Variants in PARP16 observed in about 807,000 individuals in gnomAD.
The protein encoded by PARP16 is protein mono-ADP-ribosyltransferase PARP16.
A neutral mutation model predicts 35.0 loss-of-function variants in PARP16; 31 were observed. That is an observed-to-expected ratio of 0.88 (90% confidence interval 0.66 to 1.19). The LOEUF (loss-of-function observed/expected upper bound fraction) is 1.19, where lower values mean the gene tolerates loss of function less well. PARP16 is among the 50% of genes most tolerant of loss of function. The pLI, the probability that PARP16 is intolerant of heterozygous loss-of-function variation, is 0.00. For synonymous variants in PARP16, 162 were observed against 169.5 expected, an observed-to-expected ratio of 0.96 and a Z score of 0.34; for missense variants, 424 against 411.2, an observed-to-expected ratio of 1.03 and a Z score of -0.27.
In PARP16 at chr15:65,286,407, G is replaced by T. The variant is rs538009655; in HGVS notation, c.20C>A (p.Ala7Glu). The change falls in exon 1 of 6, where the codon GCG becomes GAG. Residue 7 changes from alanine (A) to glutamate (E), a missense_variant. Coordinates refer to ENST00000649807, the MANE Select transcript of PARP16 (RefSeq NM_001316943.2). MQPSGWAAAREAAGRDM... is the reference protein window; with the variant it reads MQPSGWEAAREAAGRDM... Reference sequence around the variant, plus strand: ...GCGGCCCGCCGCCTCCCTGGCGGCCGCCCAGCCTGAGGGCTGCATCCCAGG... The same window carrying T: ...GCGGCCCGCCGCCTCCCTGGCGGCCTCCCAGCCTGAGGGCTGCATCCCAGG... 3 of 1,539,672 alleles carry T rather than the reference G, an allele frequency of 1.9e-6. No individual in the cohort carries two copies. The highest frequency in any genetic ancestry group is 2.6e-6 in the Non-Finnish European group (3 of 1,146,866).
chr15:65,271,201 A>T, intron 1 of PARP16, 129 bp from the exon 2 acceptor site: 1 of 803,996 alleles, frequency 1.2e-6, no homozygotes. Flanking sequence ...GGAAATTCAC[A>T]GGTCTACAAT....
chr15:65,253,391 C>T (rs1289358985), downstream of PARP16, among the ~76,000 whole-genome samples: 6 of 150,318 alleles, frequency 4.0e-5, no homozygotes, highest in Non-Finnish European at 8.9e-5. Flanking sequence ...AGTGCAGTGG[C>T]GGGATCTCGG....
rs189365585 is a variant in PARP16, at chr15:65,252,705, C to T, written c.203-4477G>A. Among the ~76,000 whole-genome samples the T allele has an allele frequency of 1.8e-4, 28 of 152,334 alleles. No homozygotes were observed. In the East Asian group the frequency reaches 2.1e-3, roughly 12 times the overall value. ...CTTGAATCCCTAGTGATTTCTCTTT[C>T]GCCACCCTCTCCTAACTCATTACTA... On this transcript the variant is annotated intron_variant and NMD_transcript_variant, in intron 2 of 3. Coordinates refer to the PARP16 transcript ENST00000559805.
At chr15:65,271,594 T>A (rs1253282328) in intron 1 of PARP16, among the ~76,000 whole-genome samples, 2 of 152,006 alleles carry the variant, frequency 1.3e-5, no homozygotes, top group South Asian at 2.1e-4. Context: ...TGTTTTTTTT[T>A]AAACTCTTTG....
At chr15:65,247,918 T>C (rs941090793) in intron 3 of PARP16, among the ~76,000 whole-genome samples, 2 of 151,500 alleles carry the variant, frequency 1.3e-5, no homozygotes, top group Non-Finnish European at 2.9e-5. Flanking sequence ...CATTTTCCTG[T>C]CTCAGCCTCC....
intron 1 of PARP16, among the ~76,000 whole-genome samples, chr15:65,280,652 G>A (rs914893442): frequency 2.0e-5 from 3 of 152,158 alleles, no homozygotes; most frequent in African/African-American, 7.2e-5. Context: ...GAAATTTCAC[G>A]TGTATCTTAA....
intron 1 of PARP16, among the ~76,000 whole-genome samples, chr15:65,285,240 C>T (rs1217118938): frequency 6.6e-6 from 1 of 150,896 alleles, no homozygotes; most frequent in African/African-American, 2.4e-5. Flanking sequence ...CGGGTTCAAG[C>T]GATTCTCCTG....
At chr15:65,239,502 A>G (rs11630024) in intron 3 of PARP16, among the ~76,000 whole-genome samples, 12,862 of 147,892 alleles carry the variant, frequency 0.087, 765 homozygotes, top group Non-Finnish European at 0.13. Context: ...AAAAAGAACT[A>G]TACCTATGAC....
intron 2 of PARP16, among the ~76,000 whole-genome samples, chr15:65,249,987 G>A (rs1567013134): frequency 6.6e-6 from 1 of 152,154 alleles, no homozygotes; most frequent in Admixed American, 6.5e-5. Flanking sequence ...CCCCAGTCTG[G>A]AAAGGGAACT....
At chr15:65,273,295 G>A (rs12898916) in intron 1 of PARP16, among the ~76,000 whole-genome samples, 49,163 of 102,076 alleles carry the variant, frequency 0.48, 12,087 homozygotes, top group East Asian at 0.91. Flanking sequence ...AAAAAAAAAA[G>A]AATACCTGTG....
chr15:65,262,522 C>T (rs1002040034), intron 4 of PARP16, among the ~76,000 whole-genome samples: 1 of 152,136 alleles, frequency 6.6e-6, no homozygotes, highest in Non-Finnish European at 1.5e-5. Context: ...GGAGACAAGG[C>T]AAATAGTCTC....
At position 65,263,270 on chromosome 15, in the gene PARP16, G is replaced by A; in HGVS notation, c.570C>T (p.Ala190=). ...CATGGCCATGGGGGCTGTATATGAG[G>A]GCCAGGCTCAAGTCACTGGTGAGGT... ...GTYLTSDLSL[A]LIYSPHGHGW... The change falls in exon 4 of 6, where the codon GCC becomes GCT. Residue 190 remains alanine, a synonymous_variant. Coordinates refer to ENST00000649807, the MANE Select transcript of PARP16 (RefSeq NM_001316943.2). 1 of 1,612,628 alleles carries A rather than the reference G, an allele frequency of 6.2e-7. No homozygotes were observed. The highest frequency in any genetic ancestry group is 8.5e-7 in the Non-Finnish European group (1 of 1,179,218).
intron 1 of PARP16, among the ~76,000 whole-genome samples, chr15:65,275,444 A>G (rs1342349421): frequency 6.6e-6 from 1 of 152,090 alleles, no homozygotes; most frequent in East Asian, 1.9e-4. Flanking sequence ...AATTGGGATA[A>G]TATCAGTAGC....
intron 3 of PARP16, among the ~76,000 whole-genome samples, chr15:65,247,406 G>A (rs888271575): frequency 6.6e-6 from 1 of 152,158 alleles, no homozygotes; most frequent in African/African-American, 2.4e-5. Flanking sequence ...GATTCAAACT[G>A]AGTTCTGTCT....
Position 65,259,301 on chromosome 15 carries a change from A to G in PARP16, c.*106T>C. 5.4e-6 allele frequency: 6 copies of G among 1,106,422 alleles called. No homozygotes were observed. Among genetic ancestry groups the G allele is most frequent in the Non-Finnish European group, 1.3e-6 (1 of 741,476 alleles). The allele number at this position is 1,106,422 out of a possible 1,614,324, so 68.5% of individuals were successfully genotyped here. A position where few individuals can be genotyped will look rare whatever the true frequency, so the allele number is the denominator to read the frequency against. The stretch of plus-strand genomic sequence containing the variant: ...TATGAAAATTGTCCTGTGGTCCCCC[A>G]ACTGGCCCCTAGGCTCAACCTGGCT... On this transcript the variant is annotated 3_prime_UTR_variant, in exon 6 of 6. Transcript: ENST00000649807.
chr15:65,263,072 C>T lies in PARP16; in HGVS notation c.691+77G>A, dbSNP rs2089787434. The stretch of plus-strand genomic sequence containing the variant: ...CCTTGGGCATGCAATGGGTGCTCTA[C>T]CCAACAGCTGGGCCAGCAAGAGCCT... On this transcript the variant is annotated intron_variant, in intron 4 of 5. Coordinates refer to ENST00000649807, the MANE Select transcript of PARP16 (RefSeq NM_001316943.2). 3.6e-6 allele frequency: 5 copies of T among 1,392,198 alleles called. No individual in the cohort carries two copies. In the South Asian group the frequency reaches 5.0e-5, roughly 14 times the overall value. 86.2% of individuals were successfully genotyped at this position (1,392,198 alleles called of 1,614,324 possible). A position where few individuals can be genotyped will look rare whatever the true frequency, so the allele number is the denominator to read the frequency against.
chr15:65,240,718 TA>T (rs2089049858), intron 3 of PARP16, among the ~76,000 whole-genome samples: 1 of 152,198 alleles, frequency 6.6e-6, no homozygotes, highest in Admixed American at 6.6e-5. Context: ...ACCATTCATG[TA>T]TAGGTCTTTG....
intron 1 of PARP16, among the ~76,000 whole-genome samples, chr15:65,280,892 C>T (rs945961290): frequency 8.5e-5 from 13 of 152,222 alleles, no homozygotes; most frequent in Admixed American, 1.3e-4. Flanking sequence ...ACAGGGTAAG[C>T]TTCATGCAGT....
chr15:65,273,305 G>A (rs1329362328), intron 1 of PARP16, among the ~76,000 whole-genome samples: 1 of 76,188 alleles, frequency 1.3e-5, no homozygotes, highest in Non-Finnish European at 3.2e-5. Context: ...GAATACCTGT[G>A]GTTCTTTTCC....
Sources: gnomAD v4.1 joint callset for allele counts (sites outside exome capture counted in the v4.1 genomes callset) on GRCh38, gnomAD v4.1.1 for gene constraint, MANE v1.5 for transcripts, NCBI Gene and HGNC (gene_info 2026-07-23, HGNC 2026-07-21) for gene names.